The following RTL4 variants were observed in gnomAD, a reference collection of about 807,000 sequenced individuals.
RTL4 encodes retrotransposon Gag like 4, also known as retrotransposon Gag-like protein 4.
RTL4 carries 4 observed loss-of-function variants against 5.3 expected under a neutral mutation model. That is an observed-to-expected ratio of 0.75 (90% confidence interval 0.37 to 1.72). The LOEUF is 1.72. Among genes scored for constraint, RTL4 ranks in the 40% most tolerant of loss-of-function variants. The pLI, the probability that RTL4 is intolerant of heterozygous loss-of-function variation, is 0.04. For missense variants in RTL4, 260 were observed against 227.1 expected (o/e 1.14, Z -0.93); for synonymous variants, 98 against 87.3 (o/e 1.12, Z -0.68).
the RTL4 span, among the ~76,000 whole-genome samples, chrX:112,251,925 A>G: frequency 8.9e-6 from 1 of 111,999 alleles, no homozygotes; most frequent in Non-Finnish European, 1.9e-5. Flanking sequence ...CATTCTAATA[A>G]CAATGTGTCT....
the RTL4 span, among the ~76,000 whole-genome samples, chrX:112,152,212 T>G: frequency 9.0e-6 from 1 of 111,729 alleles, no homozygotes; most frequent in South Asian, 3.7e-4. Context: ...GGCTGTAAAT[T>G]GGGCTGAGGT....
chrX:112,271,051 A>G, the RTL4 span, among the ~76,000 whole-genome samples: 9 of 14,726 alleles, frequency 6.1e-4, no homozygotes, highest in Admixed American at 1.2e-3. Context: ...TGGAGACAGA[A>G]AAAAAAAAAA....
the RTL4 span, among the ~76,000 whole-genome samples, chrX:112,239,730 A>G: frequency 8.9e-6 from 1 of 111,746 alleles, no homozygotes; most frequent in Non-Finnish European, 1.9e-5. Context: ...ACCATCTGCA[A>G]TAGGATAGTA....
At chrX:112,444,412 C>A in the RTL4 span, among the ~76,000 whole-genome samples, 19 of 111,536 alleles carry the variant, frequency 1.7e-4, no homozygotes, top group Admixed American at 1.9e-4. Flanking sequence ...CTCAGGATAG[C>A]CTTGGCTATT....
chrX:112,109,321 C>G, the RTL4 span, among the ~76,000 whole-genome samples: 1 of 111,670 alleles, frequency 9.0e-6, no homozygotes, highest in East Asian at 2.8e-4. Context: ...TGTCACAGCT[C>G]TTAAAAGTGG....
the RTL4 span, among the ~76,000 whole-genome samples, chrX:112,093,134 C>G: frequency 4.5e-5 from 5 of 111,413 alleles, no homozygotes; most frequent in South Asian, 1.1e-3. Context: ...CTATTCATTT[C>G]CACTACTACT....
chrX:112,340,475 T>C, the RTL4 span, among the ~76,000 whole-genome samples: 1 of 108,587 alleles, frequency 9.2e-6, no homozygotes, highest in Admixed American at 1.0e-4. Flanking sequence ...GATTATTAAG[T>C]ACCAAAAATT....
At chrX:112,261,600 G>A in the RTL4 span, among the ~76,000 whole-genome samples, 5 of 111,707 alleles carry the variant, frequency 4.5e-5, no homozygotes, top group Non-Finnish European at 7.5e-5. Context: ...TCAATATCAT[G>A]AAAATGGCCA....
At chrX:112,425,360 G>T in the RTL4 span, among the ~76,000 whole-genome samples, 1 of 111,202 alleles carries the variant, frequency 9.0e-6, no homozygotes, top group African/African-American at 3.3e-5. Flanking sequence ...CCAAGTTTTG[G>T]TAATTATGAA....
At chrX:112,185,057 T>C in the RTL4 span, among the ~76,000 whole-genome samples, 1 of 110,992 alleles carries the variant, frequency 9.0e-6, no homozygotes, top group African/African-American at 3.3e-5. Context: ...AATCATATCA[T>C]ATCAGAGAGA....
At chrX:112,415,584 C>T in the RTL4 span, among the ~76,000 whole-genome samples, 5 of 110,519 alleles carry the variant, frequency 4.5e-5, no homozygotes, top group African/African-American at 1.3e-4. Context: ...TGTGTATATA[C>T]CTTAGAAATT....
the RTL4 span, among the ~76,000 whole-genome samples, chrX:112,331,360 C>T: frequency 2.8e-5 from 3 of 106,324 alleles, no homozygotes; most frequent in Admixed American, 3.1e-4. Context: ...CATGAACAGA[C>T]ACTTCTCAAA....
the RTL4 span, among the ~76,000 whole-genome samples, chrX:112,201,863 C>G: frequency 3.9e-4 from 44 of 111,713 alleles, no homozygotes; most frequent in East Asian, 0.012. Context: ...CCAATAATGA[C>G]ATCTTGCATA....
the RTL4 span, among the ~76,000 whole-genome samples, chrX:112,418,771 T>C: frequency 2.7e-5 from 3 of 109,698 alleles, no homozygotes; most frequent in Non-Finnish European, 5.7e-5. Context: ...CTGGAGTGTG[T>C]AGGGAAGTGG....
At chrX:112,238,283 C>A in the RTL4 span, among the ~76,000 whole-genome samples, 1 of 111,937 alleles carries the variant, frequency 8.9e-6, no homozygotes, top group African/African-American at 3.2e-5. Context: ...ATATTGATTT[C>A]TGTGTATATG....
At chrX:112,455,430 G>T (rs1187219943) in exon 1 of RTL4, 5 of 1,211,116 alleles carry the variant, frequency 4.1e-6, no homozygotes, top group East Asian at 5.9e-5. Context: ...AGCTCCCATT[G>T]TTGGCTTCCT....
At chrX:112,398,396 C>CTTTTTTTTTTTTTT in the RTL4 span, among the ~76,000 whole-genome samples, 1 of 72,169 alleles carries the variant, frequency 1.4e-5, no homozygotes, top group Non-Finnish European at 2.5e-5. Context: ...TTCTTTCTTT[C>CTTTTTTTTTTTTTT]TTTTTTTTTT....
the RTL4 span, among the ~76,000 whole-genome samples, chrX:112,143,154 G>A: frequency 9.0e-6 from 1 of 111,464 alleles, no homozygotes; most frequent in Non-Finnish European, 1.9e-5. Flanking sequence ...ATATTATATT[G>A]CTATTACTGA....
the RTL4 span, among the ~76,000 whole-genome samples, chrX:112,170,519 A>G: frequency 9.0e-6 from 1 of 111,434 alleles, no homozygotes; most frequent in Admixed American, 9.6e-5. Flanking sequence ...GCAATTGTGA[A>G]CAAGAGTTCA....
Sources: allele counts gnomAD v4.1 joint callset (sites outside exome capture counted in the v4.1 genomes callset), GRCh38; gene constraint gnomAD v4.1.1; transcripts MANE v1.5; gene names NCBI Gene and HGNC (gene_info 2026-07-23, HGNC 2026-07-21).